FHIT: variants seen among roughly 807,000 people sequenced by gnomAD.
The protein encoded by FHIT is bis(5'-adenosyl)-triphosphatase.
In FHIT, 19 loss-of-function variants were observed where a neutral mutation model predicts 17.9. The ratio of observed to expected loss-of-function variants is 1.06; its 90% CI spans 0.74 to 1.56. The LOEUF is 1.56. Ranked by LOEUF, FHIT falls within the 40% of genes most tolerant of loss-of-function variation. FHIT has a pLI of 0.00. For synonymous variants in FHIT, 81 were observed against 69.7 expected (o/e 1.16, Z -0.81); for missense variants, 248 against 189.2 (o/e 1.31, Z -1.82).
intron 7 of FHIT, among the ~76,000 whole-genome samples, chr3:59,959,744 C>A (rs1384792951): frequency 6.6e-6 from 1 of 152,174 alleles, no homozygotes; most frequent in East Asian, 1.9e-4. Flanking sequence ...CAATCAGTGA[C>A]ATTACTGTGC....
chr3:60,756,344 G>A (rs1553718277), intron 4 of FHIT, among the ~76,000 whole-genome samples: 1 of 152,048 alleles, frequency 6.6e-6, no homozygotes, highest in African/African-American at 2.4e-5. Context: ...TTAGAAGCTC[G>A]AAGTACTAAC....
At chr3:59,799,268 A>G (rs1186287183) in intron 8 of FHIT, among the ~76,000 whole-genome samples, 1 of 152,138 alleles carries the variant, frequency 6.6e-6, no homozygotes, top group Non-Finnish European at 1.5e-5. Context: ...CACAGTAAAA[A>G]TGAAAGACTT....
intron 5 of FHIT, among the ~76,000 whole-genome samples, chr3:60,023,785 C>G (rs1448535771): frequency 6.6e-6 from 1 of 152,124 alleles, no homozygotes; most frequent in Non-Finnish European, 1.5e-5. Flanking sequence ...ACACACAGAG[C>G]TTAACATAGC....
chr3:60,614,269 G>C (rs1453655002), intron 4 of FHIT, among the ~76,000 whole-genome samples: 1 of 152,136 alleles, frequency 6.6e-6, no homozygotes, highest in Non-Finnish European at 1.5e-5. Flanking sequence ...TCTTGGTTTT[G>C]CTTAATATCG....
chr3:60,058,282 T>TG (rs1702166294), intron 5 of FHIT, among the ~76,000 whole-genome samples: 2 of 151,552 alleles, frequency 1.3e-5, no homozygotes, highest in Non-Finnish European at 2.9e-5. Context: ...GTAGCTGGGA[T>TG]TACATGCCCA....
At chr3:60,100,257 G>A (rs1039950456) in intron 5 of FHIT, among the ~76,000 whole-genome samples, 8 of 152,136 alleles carry the variant, frequency 5.3e-5, no homozygotes, top group East Asian at 1.9e-4. Context: ...GGTGGTGGAC[G>A]CCTGTAGTCC....
chr3:61,170,942 A>G (rs2037986072), intron 2 of FHIT, among the ~76,000 whole-genome samples: 1 of 152,142 alleles, frequency 6.6e-6, no homozygotes, highest in Non-Finnish European at 1.5e-5. Flanking sequence ...TCCCATTGGT[A>G]TTATATACCC....
intron 8 of FHIT, among the ~76,000 whole-genome samples, chr3:59,767,043 A>C (rs1053048013): frequency 1.3e-5 from 2 of 152,302 alleles, no homozygotes; most frequent in African/African-American, 4.8e-5. Context: ...TCCCAGATGC[A>C]AAACAACCCC....
At chr3:60,087,793 T>TA (rs1002979921) in intron 5 of FHIT, among the ~76,000 whole-genome samples, 31 of 152,318 alleles carry the variant, frequency 2.0e-4, no homozygotes, top group African/African-American at 7.5e-4. Flanking sequence ...CACAACCACT[T>TA]AGCCATTCTC....
chr3:60,237,262 A>ATTTTT (rs201958097), intron 5 of FHIT, among the ~76,000 whole-genome samples: 3,570 of 124,614 alleles, frequency 0.029, 149 homozygotes, highest in African/African-American at 0.1. Context: ...TTGTTTTTCC[A>ATTTTT]TTTTTTTTTT....
intron 5 of FHIT, among the ~76,000 whole-genome samples, chr3:60,108,899 G>A (rs1217489378): frequency 1.3e-5 from 2 of 152,154 alleles, no homozygotes; most frequent in African/African-American, 4.8e-5. Flanking sequence ...CCGACCTCAA[G>A]TGATCTGCCC....
chr3:61,012,874 A>G (rs2031873575), intron 3 of FHIT, among the ~76,000 whole-genome samples: 1 of 151,956 alleles, frequency 6.6e-6, no homozygotes, highest in African/African-American at 2.4e-5. Context: ...TATTTCAAGC[A>G]TATTACATTG....
At chr3:60,787,199 A>G (rs951573139) in intron 4 of FHIT, among the ~76,000 whole-genome samples, 3 of 152,192 alleles carry the variant, frequency 2.0e-5, no homozygotes, top group African/African-American at 7.2e-5. Context: ...TATTAGAAAA[A>G]ATATATTTAT....
rs1311329033 is a variant in FHIT, at chr3:60,859,166, G to A, written c.-110-37155C>T. Among the ~76,000 whole-genome samples the A allele has an allele frequency of 1.4e-4, 22 of 152,226 alleles. No homozygotes were observed. In the East Asian group the frequency reaches 1.5e-3, roughly 11 times the overall value. ...GCAGTATTCAATTCCTATCCCAATA[G>A]GAGTATCGAATAGTGGTTAAGCACA... On this transcript the variant is annotated intron_variant, in intron 3 of 9. Coordinates refer to ENST00000492590, the MANE Select transcript of FHIT (RefSeq NM_002012.4).
At chr3:59,860,206 G>A (rs1230991450) in intron 8 of FHIT, among the ~76,000 whole-genome samples, 1 of 152,172 alleles carries the variant, frequency 6.6e-6, no homozygotes, top group Non-Finnish European at 1.5e-5. Flanking sequence ...TGTTATACAT[G>A]ATTAGAATCC....
chr3:60,376,274 C>A (rs1222008348), intron 5 of FHIT, among the ~76,000 whole-genome samples: 1 of 152,182 alleles, frequency 6.6e-6, no homozygotes, highest in Non-Finnish European at 1.5e-5. Context: ...GAGCTGCTGA[C>A]TTACCATTTA....
intron 5 of FHIT, among the ~76,000 whole-genome samples, chr3:60,456,483 G>A (rs1049617743): frequency 6.6e-6 from 1 of 152,114 alleles, no homozygotes; most frequent in African/African-American, 2.4e-5. Context: ...CATTAATTAT[G>A]GAACTAACCT....
At chr3:59,923,194 C>A (rs1705492222) in intron 7 of FHIT, among the ~76,000 whole-genome samples, 1 of 136,302 alleles carries the variant, frequency 7.3e-6, no homozygotes, top group Non-Finnish European at 1.5e-5. Context: ...CACTGCACTC[C>A]AGCCTGGGCG....
chr3:60,836,013 T>C (rs782546254), intron 3 of FHIT, among the ~76,000 whole-genome samples: 1 of 152,188 alleles, frequency 6.6e-6, no homozygotes, highest in Non-Finnish European at 1.5e-5. Flanking sequence ...ATATTAACAG[T>C]TTTCTTTCTT....
Sources: gnomAD v4.1 joint callset for allele counts (sites outside exome capture counted in the v4.1 genomes callset) on GRCh38, gnomAD v4.1.1 for gene constraint, MANE v1.5 for transcripts, NCBI Gene and HGNC (gene_info 2026-07-23, HGNC 2026-07-21) for gene names.